KALRN: variants seen among roughly 807,000 people sequenced by gnomAD.
The protein encoded by KALRN is kalirin.
Under a neutral mutation model 353.7 loss-of-function variants are expected in KALRN, and 70 were observed. The observed-to-expected ratio is 0.20, with a 90% CI of 0.16 to 0.24. KALRN has a LOEUF of 0.24. Ranked by LOEUF, KALRN falls within the 10% of genes least tolerant of loss-of-function variation. The pLI is 1.00. For missense variants in KALRN, 2,791 were observed against 3,756.7 expected (o/e 0.74, Z 6.72); for synonymous variants, 1,391 against 1,434.8 (o/e 0.97, Z 0.69).
intron 8 of KALRN, among the ~76,000 whole-genome samples, chr3:124,331,711 A>C (rs2080581849): frequency 6.6e-6 from 1 of 152,244 alleles, no homozygotes; most frequent in African/African-American, 2.4e-5. Context: ...TAGAGAGTAC[A>C]AATGAGATTA....
intron 1 of KALRN, among the ~76,000 whole-genome samples, chr3:124,045,111 C>A (rs1419725861): frequency 6.6e-6 from 1 of 151,996 alleles, no homozygotes; most frequent in Non-Finnish European, 1.5e-5. Flanking sequence ...ATTGAGTTGG[C>A]AGCTGGACAG....
At chr3:124,480,116 C>T (rs1172171033) in intron 27 of KALRN, among the ~76,000 whole-genome samples, 2 of 152,160 alleles carry the variant, frequency 1.3e-5, no homozygotes, top group Admixed American at 6.5e-5. Context: ...CCACATGCAG[C>T]TTTCCTTAAG....
chr3:124,234,684 C>A (rs191181202), intron 2 of KALRN, 145 bp from the exon 3 acceptor site: 2 of 633,892 alleles, frequency 3.2e-6, no homozygotes, highest in East Asian at 5.5e-5. Context: ...CTAGACCCCC[C>A]CACCTTGTCC....
At chr3:124,086,309 T>TTTTGTG (rs377557961) in intron 1 of KALRN, among the ~76,000 whole-genome samples, 3 of 141,768 alleles carry the variant, frequency 2.1e-5, no homozygotes, top group African/African-American at 7.8e-5. Flanking sequence ...GGTTGTTTTG[T>TTTTGTG]TGTGTGTGTG....
At chr3:124,582,783 G>C (rs1013086696) in intron 34 of KALRN, among the ~76,000 whole-genome samples, 29 of 137,044 alleles carry the variant, frequency 2.1e-4, no homozygotes, top group Non-Finnish European at 3.6e-4. Context: ...GGGTTGAGCT[G>C]GGGGGGATGG....
chr3:124,332,889 A>G (rs577703886), intron 8 of KALRN, among the ~76,000 whole-genome samples: 1 of 152,230 alleles, frequency 6.6e-6, no homozygotes, highest in East Asian at 1.9e-4. Flanking sequence ...TGGGAGAGAG[A>G]TGATGATGAT....
At chr3:124,686,798 ATTTTTTTTTTTTTTTTTTTT>A (rs10599336) in intron 51 of KALRN, among the ~76,000 whole-genome samples, 2 of 70,798 alleles carry the variant, frequency 2.8e-5, no homozygotes, top group East Asian at 4.6e-4. Flanking sequence ...CACTGGTGAG[ATTTTTTTTTTTTTTTTTTTT>A]TTTTTTTTTT....
At chr3:124,485,862 A>G (rs1255251447) in intron 28 of KALRN, among the ~76,000 whole-genome samples, 1 of 152,216 alleles carries the variant, frequency 6.6e-6, no homozygotes, top group African/African-American at 2.4e-5. Context: ...CCTGGGTGAT[A>G]GAGCGAGACT....
intron 1 of KALRN, chr3:124,099,517 A>T (rs984891407): frequency 1.3e-5 from 2 of 152,280 alleles, no homozygotes; most frequent in Non-Finnish European, 2.9e-5. Context: ...TGCAGTAAAC[A>T]TGAGGGTACA....
At chr3:124,419,277 G>A (rs2092671518) in intron 14 of KALRN, among the ~76,000 whole-genome samples, 1 of 150,708 alleles carries the variant, frequency 6.6e-6, no homozygotes, top group South Asian at 2.1e-4. Flanking sequence ...TAATTTCTCT[G>A]AGGGAAAGGA....
At chr3:124,674,216 A>G (rs1490078124) in intron 48 of KALRN, 148 bp from the exon 49 acceptor site, 7 of 673,478 alleles carry the variant, frequency 1.0e-5, no homozygotes, top group African/African-American at 9.1e-5. Context: ...GTTTATTAAT[A>G]TCATGTCATT....
intron 1 of KALRN, among the ~76,000 whole-genome samples, chr3:124,171,242 C>CTTGGGTTGGCATCAGCTGGGCAGTT (rs1290242138): frequency 2.0e-5 from 3 of 152,196 alleles, no homozygotes; most frequent in Non-Finnish European, 2.9e-5. Flanking sequence ...GGCTTAGCTA[C>CTTGGGTTGGCATCAGCTGGGCAGTT]TTGGGTTGGC....
chr3:124,700,685 T>C (rs1330754975), intron 56 of KALRN, among the ~76,000 whole-genome samples: 2 of 152,038 alleles, frequency 1.3e-5, no homozygotes, highest in Admixed American at 1.3e-4. Flanking sequence ...AATGGTGAGA[T>C]TTTGGGCAGT....
intron 1 of KALRN, among the ~76,000 whole-genome samples, chr3:124,194,614 TA>T (rs1676134316): frequency 6.6e-6 from 1 of 152,222 alleles, no homozygotes; most frequent in African/African-American, 2.4e-5. Flanking sequence ...TAACTATAGC[TA>T]AAACTCCATT....
At position 124,632,676 on chromosome 3, in the gene KALRN, A is replaced by C; in HGVS notation, c.5439A>C (p.Thr1813=). The C allele has an allele frequency of 6.2e-7, 1 of 1,614,132 alleles. No homozygotes were observed. Among genetic ancestry groups the C allele is most frequent in the Non-Finnish European group, 8.5e-7 (1 of 1,180,004 alleles). ...DLGSPKPGDE[T]TPQGDSADES... ...GATCTCCCAAGCCTGGGGATGAAAC[A>C]ACCCCTCAGGGAGACAGCGCTGATG... The change falls in exon 35 of 60, where the codon ACA becomes ACC. Residue 1813 remains threonine, a synonymous_variant. Coordinates refer to ENST00000682506, the MANE Select transcript of KALRN (RefSeq NM_001388419.1).
At chr3:124,426,325 T>G (rs985125498) in intron 15 of KALRN, among the ~76,000 whole-genome samples, 16 of 151,856 alleles carry the variant, frequency 1.1e-4, no homozygotes, top group Admixed American at 9.2e-4. Context: ...AGCTTGAGAG[T>G]CTCTTTTGAA....
intron 33 of KALRN, among the ~76,000 whole-genome samples, chr3:124,543,706 T>C (rs901711711): frequency 1.3e-5 from 2 of 152,120 alleles, no homozygotes; most frequent in African/African-American, 4.8e-5. Flanking sequence ...TATTACTTGA[T>C]GAAAGATAAT....
intron 27 of KALRN, among the ~76,000 whole-genome samples, chr3:124,481,609 A>G (rs752415775): frequency 1.3e-5 from 2 of 152,174 alleles, no homozygotes; most frequent in African/African-American, 2.4e-5. Flanking sequence ...AACCTTGCAT[A>G]TCTAACTGTA....
chr3:124,440,564 A>C (rs1674178910), intron 18 of KALRN, among the ~76,000 whole-genome samples: 1 of 151,622 alleles, frequency 6.6e-6, no homozygotes, highest in Non-Finnish European at 1.5e-5. Context: ...CTTTGTTGCT[A>C]ATTTTTTTAT....
Sources: gnomAD v4.1 joint callset for allele counts (sites outside exome capture counted in the v4.1 genomes callset) on GRCh38, gnomAD v4.1.1 for gene constraint, MANE v1.5 for transcripts, NCBI Gene and HGNC (gene_info 2026-07-23, HGNC 2026-07-21) for gene names.